Variants in HNRNPUL1 observed in about 807,000 individuals in gnomAD.
HNRNPUL1 encodes heterogeneous nuclear ribonucleoprotein U like 1.
HNRNPUL1 carries 14 observed loss-of-function variants against 108.5 expected under a neutral mutation model. The observed-to-expected ratio is 0.13, with a 90% CI of 0.09 to 0.20. The LOEUF (loss-of-function observed/expected upper bound fraction) is 0.20, where lower values mean the gene tolerates loss of function less well. HNRNPUL1 is among the 10% of genes least tolerant of loss of function. HNRNPUL1 has a pLI of 1.00. For synonymous variants in HNRNPUL1, 422 were observed against 445.2 expected (o/e 0.95, Z 0.66); for missense variants, 804 against 1,168.3 (o/e 0.69, Z 4.55).
At chr19:41,268,371 CTT>C (rs1229608661) in intron 2 of HNRNPUL1, 26 bp downstream of exon 2, 1 of 1,609,150 alleles carries the variant, frequency 6.2e-7, no homozygotes, top group African/African-American at 1.3e-5. Context: ...TGGTTCATCT[CTT>C]TGGATGGAAA....
At chr19:41,305,338 C>T (rs2037476319) in intron 13 of HNRNPUL1, among the ~76,000 whole-genome samples, 1 of 152,176 alleles carries the variant, frequency 6.6e-6, no homozygotes, top group Admixed American at 6.5e-5. Flanking sequence ...TATTGGATAC[C>T]CAGGGCAAGC....
At chr19:41,276,423 C>A in intron 5 of HNRNPUL1, 125 bp downstream of exon 5, 2 of 1,044,122 alleles carry the variant, frequency 1.9e-6, no homozygotes, top group Non-Finnish European at 2.7e-6. Context: ...CATGTCCAAG[C>A]AGACAAAACT....
chr19:41,288,571 C>T (rs1242207022), intron 7 of HNRNPUL1, among the ~76,000 whole-genome samples: 1 of 152,070 alleles, frequency 6.6e-6, no homozygotes, highest in Non-Finnish European at 1.5e-5. Context: ...ATGGTACTAC[C>T]AAGAGAGCTT....
rs1050142197 is a variant in HNRNPUL1 at position 41,294,808 on chromosome 19, G to C, written c.1518+122G>C. On this transcript the variant is annotated intron_variant, in intron 10 of 14. Transcript: ENST00000392006. This position sits in a 1 kb window ranked among gnomAD's most constrained non-coding sequence, Gnocchi z 4.3. ...TGATGATGGACTGCTGTGCTAGTCG[G>C]GGGGGTCAGACCTTGTCATACATGA... 2.5e-5 allele frequency: 30 copies of C among 1,206,676 alleles called. No homozygotes were observed. The highest frequency in any genetic ancestry group is 3.3e-5 in the Non-Finnish European group (28 of 847,420). The allele number at this position is 1,206,676 out of a possible 1,614,324, so 74.7% of individuals were successfully genotyped here.
chr19:41,288,159 T>C (rs1255854075), intron 7 of HNRNPUL1, among the ~76,000 whole-genome samples: 1 of 98,536 alleles, frequency 1.0e-5, no homozygotes, highest in Non-Finnish European at 2.0e-5. Context: ...TTTTCACATA[T>C]ACCCTCCCCA....
chr19:41,294,762 C>A lies in HNRNPUL1; in HGVS notation c.1518+76C>A. On this transcript the variant is annotated intron_variant, in intron 10 of 14. Coordinates refer to ENST00000392006, the MANE Select transcript of HNRNPUL1 (RefSeq NM_007040.6). The surrounding 1 kb of genome is among the most constrained non-coding windows in gnomAD (Gnocchi z 4.3). ...CATGCCTGAGAATCTCCCTCTGGTC[C>A]CTTTCTTTTTTCCCCCGTAATGATG... 1 of 1,566,144 alleles carries A rather than the reference C, an allele frequency of 6.4e-7. No homozygotes were observed. The highest frequency in any genetic ancestry group is 8.8e-7 in the Non-Finnish European group (1 of 1,140,630).
rs2036788785 is a variant in HNRNPUL1, at chr19:41,294,773, T to TC, written c.1518+92dup. The TC allele has an allele frequency of 4.6e-6, 7 of 1,514,860 alleles. No individual in the cohort carries two copies. The East Asian group carries it at 9.1e-5, about 20-fold the overall frequency. 93.8% of individuals were successfully genotyped at this position (1,514,860 alleles called of 1,614,324 possible). A position where few individuals can be genotyped will look rare whatever the true frequency, so the allele number is the denominator to read the frequency against. On this transcript the variant is annotated intron_variant, in intron 10 of 14. Transcript: ENST00000392006. This position sits in a 1 kb window ranked among gnomAD's most constrained non-coding sequence, Gnocchi z 4.3. ...ATCTCCCTCTGGTCCCTTTCTTTTT[T>TC]CCCCCGTAATGATGATGGACTGCTG...
intron 14 of HNRNPUL1, 141 bp from the exon 15 acceptor site, chr19:41,306,308 G>A: frequency 1.7e-6 from 1 of 594,012 alleles, no homozygotes; most frequent in South Asian, 2.4e-5. Flanking sequence ...TTTCCAAGGT[G>A]CCTTGATTTC....
At chr19:41,285,013 A>G (rs1007705888) in intron 7 of HNRNPUL1, among the ~76,000 whole-genome samples, 2 of 151,620 alleles carry the variant, frequency 1.3e-5, no homozygotes, top group African/African-American at 2.4e-5. Flanking sequence ...AAAAAAAAAA[A>G]GGGCATACCT....
intron 4 of HNRNPUL1, among the ~76,000 whole-genome samples, chr19:41,275,824 C>T (rs1183118488): frequency 2.0e-5 from 3 of 152,174 alleles, no homozygotes; most frequent in Admixed American, 6.5e-5. Flanking sequence ...TCAGCCAGGC[C>T]GGGCGTGGTG....
chr19:41,279,731 A>G (rs77271959), intron 6 of HNRNPUL1, among the ~76,000 whole-genome samples: 1 of 152,316 alleles, frequency 6.6e-6, no homozygotes, highest in Admixed American at 6.5e-5. Flanking sequence ...ATGATCATAC[A>G]AACGTTCCAA....
intron 7 of HNRNPUL1, among the ~76,000 whole-genome samples, chr19:41,290,846 C>T (rs1213990957): frequency 6.6e-6 from 1 of 152,126 alleles, no homozygotes; most frequent in Admixed American, 6.6e-5. Flanking sequence ...CACCTGAGGT[C>T]AGGAGTTCGA....
intron 1 of HNRNPUL1, among the ~76,000 whole-genome samples, chr19:41,267,615 C>T (rs1268601471): frequency 2.6e-5 from 4 of 152,172 alleles, no homozygotes; most frequent in African/African-American, 9.7e-5. Context: ...AGAAGGAATC[C>T]GATCAGTTAG....
intron 11 of HNRNPUL1, 23 bp from the exon 12 acceptor site, chr19:41,302,642 T>C: frequency 6.2e-7 from 1 of 1,614,120 alleles, no homozygotes; most frequent in East Asian, 2.2e-5. Flanking sequence ...CTTGTTCTCT[T>C]TGGGGCACTT....
intron 7 of HNRNPUL1, among the ~76,000 whole-genome samples, chr19:41,282,509 A>G (rs1303720393): frequency 2.0e-5 from 3 of 151,704 alleles, no homozygotes; most frequent in Non-Finnish European, 1.5e-5. Context: ...CTTTGAGATA[A>G]ATTCAAACTC....
chr19:41,290,029 G>A (rs1225577249), intron 7 of HNRNPUL1, among the ~76,000 whole-genome samples: 4 of 152,046 alleles, frequency 2.6e-5, no homozygotes, highest in Non-Finnish European at 2.9e-5. Flanking sequence ...TGGTCTTGAC[G>A]TGGGTGCATG....
Position 41,276,071 on chromosome 19 carries a change from C to G in HNRNPUL1, c.647-88C>G, listed in dbSNP as rs903117055. ...TGAGCCAAGATCGCACCATTGCACTCCAGCCTGGGCAAAAAGAGTGAAACT... is the reference window on the plus strand; with the variant it reads ...TGAGCCAAGATCGCACCATTGCACTGCAGCCTGGGCAAAAAGAGTGAAACT... On this transcript the variant is annotated intron_variant, in intron 4 of 14. Coordinates refer to ENST00000392006, the MANE Select transcript of HNRNPUL1 (RefSeq NM_007040.6). 5.7e-5 allele frequency: 89 copies of G among 1,574,002 alleles called. No homozygotes were observed. In the African/African-American group the frequency reaches 9.8e-4, roughly 17 times the overall value.
intron 4 of HNRNPUL1, among the ~76,000 whole-genome samples, 188 bp downstream of exon 4, chr19:41,274,243 T>C (rs1374118772): frequency 6.6e-6 from 1 of 152,196 alleles, no homozygotes; most frequent in Non-Finnish European, 1.5e-5. Flanking sequence ...ACTCTAGCAG[T>C]GGGACCCTGG....
Position 41,294,779 on chromosome 19 carries a change from G to T in HNRNPUL1, c.1518+93G>T. On this transcript the variant is annotated intron_variant, in intron 10 of 14. Transcript: ENST00000392006. This position sits in a 1 kb window ranked among gnomAD's most constrained non-coding sequence, Gnocchi z 4.3. ...CTCTGGTCCCTTTCTTTTTTCCCCC[G>T]TAATGATGATGGACTGCTGTGCTAG... 1 of 1,476,652 alleles carries T rather than the reference G, an allele frequency of 6.8e-7. No homozygotes were observed. Among genetic ancestry groups the T allele is most frequent in the Non-Finnish European group, 9.4e-7 (1 of 1,066,588 alleles). The allele number at this position is 1,476,652 out of a possible 1,614,324, so 91.5% of individuals were successfully genotyped here. A position where few individuals can be genotyped will look rare whatever the true frequency, so the allele number is the denominator to read the frequency against.
Sources: allele counts gnomAD v4.1 joint callset (sites outside exome capture counted in the v4.1 genomes callset), GRCh38; gene constraint gnomAD v4.1.1; non-coding constraint Gnocchi (gnomAD v3.1); transcripts MANE v1.5; gene names NCBI Gene and HGNC (gene_info 2026-07-23, HGNC 2026-07-21).